The following DMXL1 variants were observed in gnomAD, a reference collection of about 807,000 sequenced individuals.
DMXL1 encodes the protein Dmx like 1.
Under a neutral mutation model 319.2 loss-of-function variants are expected in DMXL1, and 99 were observed. The observed-to-expected ratio is 0.31, with a 90% CI of 0.26 to 0.37. DMXL1 has a LOEUF of 0.37. Ranked by LOEUF, DMXL1 falls within the 10% of genes least tolerant of loss-of-function variation. The pLI is 1.00. For synonymous variants in DMXL1, 1,385 were observed against 1,235.2 expected (o/e 1.12, Z -2.54); for missense variants, 3,745 against 3,595.6 (o/e 1.04, Z -1.06).
chr5:119,168,766 C>T (rs1773949777), intron 23 of DMXL1, among the ~76,000 whole-genome samples: 1 of 151,996 alleles, frequency 6.6e-6, no homozygotes, highest in African/African-American at 2.4e-5. Flanking sequence ...GTTGCCCTGG[C>T]TCATCTCAAA....
intron 39 of DMXL1, among the ~76,000 whole-genome samples, chr5:119,235,960 T>C (rs1581481140): frequency 2.0e-5 from 3 of 152,018 alleles, no homozygotes; most frequent in South Asian, 4.1e-4. Flanking sequence ...CTCCAGAAAA[T>C]GTAAGATAAA....
rs773389347 is a variant in DMXL1, at chr5:119,101,943, G to A, written c.222G>A (p.Ala74=). ...TTTTTTCTTTTTAAAAGATTGCAGC[G>A]TCTTATGGAAATGTTATCTCCATTT... ...DCSMQQGKIA[A]SYGNVISIFE... Residue 74 remains alanine (A), a synonymous_variant, in exon 3 of 44, where the codon GCG becomes GCA. Transcript: ENST00000539542. 5.9e-5 allele frequency: 95 copies of A among 1,599,088 alleles called. No homozygotes were observed. The highest frequency in any genetic ancestry group is 1.2e-4 in the Admixed American group (7 of 58,092).
At chr5:119,177,320 A>G in intron 26 of DMXL1, 37 bp from the exon 27 acceptor site, 2 of 1,364,906 alleles carry the variant, frequency 1.5e-6, no homozygotes, top group Non-Finnish European at 1.9e-6. Context: ...ATTATATAAA[A>G]TTTATCATAG....
chr5:119,134,688 C>G (rs1385290534), intron 13 of DMXL1, among the ~76,000 whole-genome samples: 1 of 152,148 alleles, frequency 6.6e-6, no homozygotes, highest in Non-Finnish European at 1.5e-5. Context: ...ATATCGGCCC[C>G]CCTGCAATTA....
chr5:119,236,650 A>G (rs1787811229), intron 39 of DMXL1: 1 of 152,046 alleles, frequency 6.6e-6, no homozygotes, highest in African/African-American at 2.4e-5. Flanking sequence ...GAAAGGAAGC[A>G]CATCAAATTG....
At chr5:119,201,587 A>G (rs1243240812) in intron 32 of DMXL1, among the ~76,000 whole-genome samples, 3 of 152,174 alleles carry the variant, frequency 2.0e-5, no homozygotes, top group African/African-American at 7.2e-5. Flanking sequence ...ACTTCATAGA[A>G]TTAGGTGTGA....
In DMXL1 at chr5:119,244,619, C is replaced by A. The variant is rs993312732; in HGVS notation, c.8922+43C>A. On this transcript the variant is annotated intron_variant, in intron 43 of 43. Transcript: ENST00000539542. ...CACAACATCTACAAAATGAAATCTT[C>A]AGAAACCTTAGCTCTTTAATCGTAT... The A allele has an allele frequency of 2.7e-6, 4 of 1,468,116 alleles. No individual in the cohort carries two copies. In the African/African-American group the frequency reaches 4.2e-5, roughly 15 times the overall value. 90.9% of individuals were successfully genotyped at this position (1,468,116 alleles called of 1,614,324 possible).
intron 28 of DMXL1, among the ~76,000 whole-genome samples, chr5:119,184,793 G>A (rs181991189): frequency 1.3e-5 from 2 of 152,112 alleles, no homozygotes; most frequent in Admixed American, 1.3e-4. Flanking sequence ...CCATGTTGTA[G>A]CTTGCGACAG....
chr5:119,191,998 C>A (rs1044087069), intron 29 of DMXL1, among the ~76,000 whole-genome samples: 19 of 152,164 alleles, frequency 1.2e-4, no homozygotes, highest in Non-Finnish European at 2.5e-4. Flanking sequence ...AAAGGACTTA[C>A]CAAGCTCTTT....
chr5:119,113,993 A>C (rs915055339), intron 5 of DMXL1, among the ~76,000 whole-genome samples: 3 of 152,206 alleles, frequency 2.0e-5, no homozygotes, highest in Non-Finnish European at 4.4e-5. Context: ...TTGAGAAGAA[A>C]AGGCAAGTAT....
chr5:119,209,250 G>A (rs1782304901), intron 34 of DMXL1, among the ~76,000 whole-genome samples: 2 of 152,148 alleles, frequency 1.3e-5, no homozygotes, highest in Non-Finnish European at 2.9e-5. Context: ...TCATGTGTAG[G>A]TATATGTTAA....
chr5:119,137,642 A>T (rs1766326309), intron 13 of DMXL1, among the ~76,000 whole-genome samples: 1 of 152,170 alleles, frequency 6.6e-6, no homozygotes, highest in African/African-American at 2.4e-5. Flanking sequence ...GCAAGTTCTC[A>T]CAAGATCTGA....
At chr5:119,177,936 T>G in intron 27 of DMXL1, 60 bp from the exon 28 acceptor site, 1 of 1,422,872 alleles carries the variant, frequency 7.0e-7, no homozygotes, top group South Asian at 1.6e-5. Flanking sequence ...AAAATATAGT[T>G]AATTTTTAAA....
At chr5:119,240,571 T>A in intron 42 of DMXL1, 100 bp downstream of exon 42, 1 of 886,298 alleles carries the variant, frequency 1.1e-6, no homozygotes, top group Non-Finnish European at 1.8e-6. Flanking sequence ...ATATATTTAT[T>A]AACCCATGAG....
chr5:119,235,278 A>C (rs1787536681), intron 39 of DMXL1, among the ~76,000 whole-genome samples: 1 of 152,204 alleles, frequency 6.6e-6, no homozygotes. Context: ...CTAATTCCTC[A>C]GAGATTCAAG....
intron 6 of DMXL1, among the ~76,000 whole-genome samples, 197 bp downstream of exon 6, chr5:119,114,738 G>T (rs930153019): frequency 7.2e-5 from 11 of 152,010 alleles, no homozygotes; most frequent in Non-Finnish European, 1.6e-4. Flanking sequence ...GCACGATCTC[G>T]GCTCACTGCA....
At chr5:119,119,112 T>C (rs551057796) in intron 8 of DMXL1, 108 bp downstream of exon 8, 1 of 736,266 alleles carries the variant, frequency 1.4e-6, no homozygotes, top group East Asian at 3.0e-5. Flanking sequence ...GGAAAATAAT[T>C]CTTAGAAAAT....
At chr5:119,183,893 C>T (rs1034126190) in intron 28 of DMXL1, among the ~76,000 whole-genome samples, 1 of 151,990 alleles carries the variant, frequency 6.6e-6, no homozygotes, top group Non-Finnish European at 1.5e-5. Context: ...GTAGAGAAAG[C>T]GTAGAAGATA....
intron 19 of DMXL1, among the ~76,000 whole-genome samples, chr5:119,155,167 A>G (rs1272365596): frequency 1.3e-5 from 2 of 152,250 alleles, no homozygotes; most frequent in African/African-American, 2.4e-5. Flanking sequence ...GCCTGCTAAC[A>G]CAACATTCAT....
Sources: allele counts gnomAD v4.1 joint callset (sites outside exome capture counted in the v4.1 genomes callset), GRCh38; gene constraint gnomAD v4.1.1; transcripts MANE v1.5; gene names NCBI Gene and HGNC (gene_info 2026-07-23, HGNC 2026-07-21).